Variants in DLG2 observed in about 807,000 individuals in gnomAD.
DLG2 encodes the protein disks large homolog 2.
A neutral mutation model predicts 132.5 loss-of-function variants in DLG2; 45 were observed. The observed-to-expected ratio is 0.34, with a 90% confidence interval of 0.27 to 0.44. The LOEUF (loss-of-function observed/expected upper bound fraction) is 0.44, where lower values mean the gene tolerates loss of function less well. DLG2 is among the 20% of genes least tolerant of loss of function. The pLI is 1.00. For missense variants in DLG2, 1,045 were observed against 1,196.9 expected (o/e 0.87, Z 1.87); for synonymous variants, 424 against 419.6 (o/e 1.01, Z -0.13).
At chr11:83,689,056 A>G (rs949936673) in intron 18 of DLG2, among the ~76,000 whole-genome samples, 18 of 152,120 alleles carry the variant, frequency 1.2e-4, no homozygotes, top group Non-Finnish European at 2.6e-4. Flanking sequence ...CAGTCCAGGG[A>G]GTAATAAATT....
At chr11:84,103,148 A>C (rs1211715276) in intron 9 of DLG2, among the ~76,000 whole-genome samples, 1 of 152,144 alleles carries the variant, frequency 6.6e-6, no homozygotes, top group Non-Finnish European at 1.5e-5. Context: ...AATTCAGCTA[A>C]GGAAATGATT....
intron 7 of DLG2, among the ~76,000 whole-genome samples, chr11:84,376,387 T>G (rs1027405375): frequency 7.9e-5 from 12 of 151,910 alleles, no homozygotes; most frequent in African/African-American, 2.9e-4. Flanking sequence ...AAAATCATTC[T>G]AGAAATGTAG....
chr11:85,072,431 A>G lies in DLG2; in HGVS notation c.357+39230T>C, dbSNP rs187714477. Reference sequence around the variant, plus strand: ...AGAACCCAGGGATATAAAACTTTAAACAAACATTCTAGGTGATCCAAATGC... The same window carrying G: ...AGAACCCAGGGATATAAAACTTTAAGCAAACATTCTAGGTGATCCAAATGC... On this transcript the variant is annotated intron_variant, in intron 6 of 27. Coordinates refer to ENST00000376104, the MANE Select transcript of DLG2 (RefSeq NM_001142699.3). Among the ~76,000 whole-genome samples, 4 of 151,998 alleles carry G rather than the reference A, an allele frequency of 2.6e-5. No individual in the cohort carries two copies. In the East Asian group the frequency reaches 7.8e-4, roughly 30 times the overall value.
intron 15 of DLG2, among the ~76,000 whole-genome samples, chr11:83,876,059 T>C (rs116658621): frequency 0.017 from 2,522 of 152,298 alleles, 64 homozygotes; most frequent in African/African-American, 0.056. Flanking sequence ...TATTCAGGAC[T>C]TGGACTATGT....
chr11:85,179,902 C>T (rs1200426475), intron 4 of DLG2, among the ~76,000 whole-genome samples: 2 of 151,872 alleles, frequency 1.3e-5, no homozygotes, highest in Non-Finnish European at 2.9e-5. Flanking sequence ...ACTATTAGTG[C>T]ACCATTATTA....
intron 6 of DLG2, among the ~76,000 whole-genome samples, chr11:84,851,994 A>G (rs1373546300): frequency 6.6e-6 from 1 of 152,032 alleles, no homozygotes; most frequent in Admixed American, 6.6e-5. Flanking sequence ...TGGTAAGTAA[A>G]TGATTTAAGC....
chr11:84,352,211 G>A (rs2098579993), intron 7 of DLG2, among the ~76,000 whole-genome samples: 1 of 152,180 alleles, frequency 6.6e-6, no homozygotes, highest in Admixed American at 6.5e-5. Flanking sequence ...AGCTGAAAAA[G>A]TGCCAAACTA....
At chr11:84,461,683 A>T (rs1360545792) in intron 7 of DLG2, among the ~76,000 whole-genome samples, 1 of 151,052 alleles carries the variant, frequency 6.6e-6, no homozygotes, top group Non-Finnish European at 1.5e-5. Context: ...AGTAATATAA[A>T]GAGTGAAGAA....
At chr11:84,051,895 G>T (rs914347989) in intron 11 of DLG2, among the ~76,000 whole-genome samples, 1 of 151,778 alleles carries the variant, frequency 6.6e-6, no homozygotes, top group African/African-American at 2.4e-5. Context: ...TATTAAAGCA[G>T]CAAAGAAGAG....
chr11:84,418,336 A>G (rs1247450797), intron 7 of DLG2, among the ~76,000 whole-genome samples: 1 of 152,204 alleles, frequency 6.6e-6, no homozygotes, highest in East Asian at 1.9e-4. Context: ...TGACAGTGGA[A>G]AAGATGATAA....
chr11:85,513,654 C>A (rs1308789549), intron 3 of DLG2, among the ~76,000 whole-genome samples: 1 of 151,976 alleles, frequency 6.6e-6, no homozygotes. Context: ...TAGCTCCTTC[C>A]ATGTCTTAAT....
At chr11:84,608,548 G>C (rs1197969438) in intron 6 of DLG2, among the ~76,000 whole-genome samples, 9 of 152,146 alleles carry the variant, frequency 5.9e-5, no homozygotes, top group Admixed American at 1.3e-4. Flanking sequence ...AGGTGACCCA[G>C]TTATGGCTAA....
intron 19 of DLG2, among the ~76,000 whole-genome samples, chr11:83,562,176 C>T (rs2096622775): frequency 6.6e-6 from 1 of 152,070 alleles, no homozygotes; most frequent in East Asian, 1.9e-4. Context: ...CGTGAGCCAC[C>T]GTGCCTGGCC....
At chr11:85,534,268 G>A (rs1427464597) in intron 3 of DLG2, among the ~76,000 whole-genome samples, 2 of 151,854 alleles carry the variant, frequency 1.3e-5, no homozygotes, top group African/African-American at 4.8e-5. Context: ...ATTTTAGAAA[G>A]CAATTCAAAT....
chr11:84,241,510 T>G (rs529790760), intron 8 of DLG2, among the ~76,000 whole-genome samples: 1 of 152,288 alleles, frequency 6.6e-6, no homozygotes, highest in East Asian at 1.9e-4. Flanking sequence ...CAACATGTGC[T>G]TTTCACCATG....
At chr11:85,498,019 A>C (rs1456207904) in intron 3 of DLG2, among the ~76,000 whole-genome samples, 1 of 152,204 alleles carries the variant, frequency 6.6e-6, no homozygotes, top group Non-Finnish European at 1.5e-5. Flanking sequence ...AAACCACATC[A>C]ATTAACAGGC....
At chr11:83,944,176 T>C (rs758916452) in intron 14 of DLG2, among the ~76,000 whole-genome samples, 24 of 152,270 alleles carry the variant, frequency 1.6e-4, no homozygotes, top group Admixed American at 3.3e-4. Flanking sequence ...GGGAGGGAAA[T>C]AGACACTCTT....
At chr11:83,735,257 G>A (rs1408638170) in intron 18 of DLG2, among the ~76,000 whole-genome samples, 1 of 150,848 alleles carries the variant, frequency 6.6e-6, no homozygotes, top group Non-Finnish European at 1.5e-5. Context: ...AGCACTGAGT[G>A]AATTGTTAAG....
rs1459867351 is a variant in DLG2 at position 84,274,172 on chromosome 11, C to T, written c.520-22881G>A. Among the ~76,000 whole-genome samples the T allele has an allele frequency of 2.0e-5, 3 of 152,158 alleles. No individual in the cohort carries two copies. The East Asian group carries it at 5.8e-4, about 29-fold the overall frequency. ...GAATTTAGGGACATATTCTCAATTCCCTTCACCAAGGACAGTACCCACACA... is the reference window on the plus strand; with the variant it reads ...GAATTTAGGGACATATTCTCAATTCTCTTCACCAAGGACAGTACCCACACA... On this transcript the variant is annotated intron_variant, in intron 7 of 27. Coordinates refer to ENST00000376104, the MANE Select transcript of DLG2 (RefSeq NM_001142699.3).
Sources: gnomAD v4.1 joint callset for allele counts (sites outside exome capture counted in the v4.1 genomes callset) on GRCh38, gnomAD v4.1.1 for gene constraint, MANE v1.5 for transcripts, NCBI Gene and HGNC (gene_info 2026-07-23, HGNC 2026-07-21) for gene names.